BNC2: variants seen among roughly 807,000 people sequenced by gnomAD.
The protein encoded by BNC2 is basonuclin zinc finger protein 2.
Under a neutral mutation model 76.3 loss-of-function variants are expected in BNC2, and 20 were observed. The ratio of observed to expected loss-of-function variants is 0.26; its 90% CI spans 0.18 to 0.38. The LOEUF (loss-of-function observed/expected upper bound fraction) is 0.38, where lower values mean the gene tolerates loss of function less well. BNC2 is among the 10% of genes least tolerant of loss of function. The probability of loss-of-function intolerance (pLI) is 1.00; values close to 1 mark genes in which losing one functional copy is unlikely to be tolerated. For missense variants in BNC2, 1,382 were observed against 1,399.8 expected, an observed-to-expected ratio of 0.99 and a Z score of 0.20; for synonymous variants, 582 against 514.8, an observed-to-expected ratio of 1.13 and a Z score of -1.77.
chr9:16,720,236 A>G (rs1040911835), intron 3 of BNC2, among the ~76,000 whole-genome samples: 6 of 152,202 alleles, frequency 3.9e-5, no homozygotes, highest in African/African-American at 1.4e-4. Context: ...GCAAAAGGGT[A>G]TTTATTCAAT....
At chr9:16,813,544 C>T (rs945692660) in intron 1 of BNC2, among the ~76,000 whole-genome samples, 4 of 152,058 alleles carry the variant, frequency 2.6e-5, no homozygotes, top group African/African-American at 4.8e-5. Context: ...GGATTACAGG[C>T]GTGAGCCACC....
intron 4 of BNC2, among the ~76,000 whole-genome samples, chr9:16,554,497 C>A (rs1818761107): frequency 6.6e-6 from 1 of 152,168 alleles, no homozygotes; most frequent in Admixed American, 6.5e-5. Flanking sequence ...TTTGTCTGAT[C>A]TTCCCTATTC....
chr9:16,478,728 A>G (rs182972768), intron 5 of BNC2, among the ~76,000 whole-genome samples: 8 of 152,286 alleles, frequency 5.3e-5, no homozygotes, highest in African/African-American at 1.9e-4. Context: ...TGTGAACTCC[A>G]TATTAACCAT....
chr9:16,487,143 T>TA (rs1028127529), intron 5 of BNC2, among the ~76,000 whole-genome samples: 6 of 152,332 alleles, frequency 3.9e-5, no homozygotes, highest in African/African-American at 1.4e-4. Flanking sequence ...GGCAAGACAG[T>TA]AAGCCTGGGG....
At chr9:16,584,496 C>T (rs1380181607) in intron 3 of BNC2, among the ~76,000 whole-genome samples, 1 of 152,018 alleles carries the variant, frequency 6.6e-6, no homozygotes, top group African/African-American at 2.4e-5. Context: ...TGTTGGAGTC[C>T]TCACTGTAGA....
chr9:16,854,637 C>T (rs1294717275), intron 1 of BNC2, among the ~76,000 whole-genome samples: 1 of 151,852 alleles, frequency 6.6e-6, no homozygotes, highest in Non-Finnish European at 1.5e-5. Flanking sequence ...TGAGGTATCC[C>T]CCAAGAAAAT....
At chr9:16,665,498 GAGAA>G (rs1822264395) in intron 3 of BNC2, among the ~76,000 whole-genome samples, 4 of 148,172 alleles carry the variant, frequency 2.7e-5, no homozygotes, top group Non-Finnish European at 6.0e-5. Flanking sequence ...AAGAGAGAGA[GAGAA>G]ATCACAGCAA....
intron 1 of BNC2, among the ~76,000 whole-genome samples, chr9:16,750,892 G>A (rs1418916667): frequency 6.6e-6 from 1 of 152,200 alleles, no homozygotes; most frequent in Non-Finnish European, 1.5e-5. Context: ...CAGTAACACA[G>A]AAGTTTCTGG....
At chr9:16,455,793 C>CAA (rs34195206) in intron 5 of BNC2, among the ~76,000 whole-genome samples, 1,826 of 141,608 alleles carry the variant, frequency 0.013, 40 homozygotes, top group African/African-American at 0.042. Flanking sequence ...ACTCCATCTC[C>CAA]AAAAAAAAAA....
Position 16,419,252 on chromosome 9 carries a change from C to T in BNC2, c.3037G>A (p.Gly1013Ser). 6.2e-7 allele frequency: 1 copy of T among 1,614,220 alleles called. No homozygotes were observed. Among genetic ancestry groups the T allele is most frequent in the South Asian group, 1.1e-5 (1 of 91,086 alleles). ...AHKAEAPALPGSLGAEVSGSL... is the reference protein window; with the variant it reads ...AHKAEAPALPSSLGAEVSGSL... Reference sequence around the variant, plus strand: ...CCTGAAACTTCAGCCCCTAGGCTGCCAGGGAGGGCAGGGGCCTCGGCCTTG... The same window carrying T: ...CCTGAAACTTCAGCCCCTAGGCTGCTAGGGAGGGCAGGGGCCTCGGCCTTG... Residue 1013 changes from glycine (G) to serine (S), a missense_variant, in exon 7 of 7, where the codon GGC (glycine) becomes AGC (serine). This residue lies in a region of BNC2 where 798 missense variants were observed against 775.5 expected (regional missense o/e 1.03). Transcript: ENST00000380672.
chr9:16,735,505 T>G (rs566722947), intron 2 of BNC2, among the ~76,000 whole-genome samples: 2 of 152,210 alleles, frequency 1.3e-5, no homozygotes, highest in East Asian at 3.9e-4. Flanking sequence ...TTGTTTTTTG[T>G]TTTTGTTTTG....
In BNC2 at chr9:16,460,949, C is replaced by T. The variant is rs56928284; in HGVS notation, c.670-23425G>A. Reference sequence around the variant, plus strand: ...AGGATTAACTGAAATCTTGATCCTACATCTAGAAATATGACTGTACAACTT... The same window carrying T: ...AGGATTAACTGAAATCTTGATCCTATATCTAGAAATATGACTGTACAACTT... On this transcript the variant is annotated intron_variant, in intron 5 of 6. Coordinates refer to ENST00000380672, the MANE Select transcript of BNC2 (RefSeq NM_017637.6). Among the ~76,000 whole-genome samples the T allele has an allele frequency of 2.6e-3, 393 of 151,936 alleles. 4 individuals are homozygous for T. Among genetic ancestry groups the T allele is most frequent in the African/African-American group, 9.1e-3 (378 of 41,434 alleles).
intron 1 of BNC2, among the ~76,000 whole-genome samples, chr9:16,840,636 A>T (rs1211154521): frequency 1.3e-5 from 2 of 152,230 alleles, no homozygotes; most frequent in African/African-American, 4.8e-5. Flanking sequence ...ATGGTAAGAT[A>T]TACCAAAAGC....
chr9:16,626,847 G>A (rs1821010493), intron 3 of BNC2, among the ~76,000 whole-genome samples: 1 of 152,228 alleles, frequency 6.6e-6, no homozygotes, highest in South Asian at 2.1e-4. Context: ...AACTGCCTGT[G>A]ACCCAGCAGT....
chr9:16,628,358 G>T (rs1291811895), intron 3 of BNC2, among the ~76,000 whole-genome samples: 1 of 152,174 alleles, frequency 6.6e-6, no homozygotes, highest in African/African-American at 2.4e-5. Flanking sequence ...AATTACAGTG[G>T]TAGGGAGAAA....
intron 1 of BNC2, among the ~76,000 whole-genome samples, chr9:16,866,310 T>A (rs969653146): frequency 6.6e-5 from 10 of 152,186 alleles, no homozygotes; most frequent in African/African-American, 2.4e-4. Context: ...AGGAAGCATT[T>A]ATTTTAAAGA....
At position 16,486,601 on chromosome 9, in the gene BNC2, A is replaced by G. The variant is rs115822271; in HGVS notation, c.670-49077T>C. ...TTCAGCAAACATATATTCCTCAGAA[A>G]CATTTAATGACACATTAGGCTCTCA... On this transcript the variant is annotated intron_variant, in intron 5 of 6. Coordinates refer to ENST00000380672, the MANE Select transcript of BNC2 (RefSeq NM_017637.6). Among the ~76,000 whole-genome samples the G allele has an allele frequency of 3.9e-3, 601 of 152,356 alleles. 2 individuals are homozygous for G. The highest frequency in any genetic ancestry group is 0.017 in the Middle Eastern group (5 of 294).
chr9:16,659,260 T>C (rs760834058), intron 3 of BNC2, among the ~76,000 whole-genome samples: 11 of 152,164 alleles, frequency 7.2e-5, no homozygotes, highest in Admixed American at 6.5e-4. Flanking sequence ...CTCCGTTTCA[T>C]CGTGCCCTTC....
intron 3 of BNC2, among the ~76,000 whole-genome samples, chr9:16,690,970 G>A (rs1823142203): frequency 6.6e-6 from 1 of 152,162 alleles, no homozygotes; most frequent in Admixed American, 6.5e-5. Flanking sequence ...AGCTGCCAAA[G>A]AACAGTGCCC....
Sources: gnomAD v4.1 joint callset for allele counts (sites outside exome capture counted in the v4.1 genomes callset) on GRCh38, gnomAD v4.1.1 for gene constraint, gnomAD v4.1.1 regional missense constraint, MANE v1.5 for transcripts, NCBI Gene and HGNC (gene_info 2026-07-23, HGNC 2026-07-21) for gene names.